CHCHD3: variants seen among roughly 807,000 people sequenced by gnomAD.
CHCHD3 encodes MICOS complex subunit MIC19.
Under a neutral mutation model 38.2 loss-of-function variants are expected in CHCHD3, and 20 were observed. The ratio of observed to expected loss-of-function variants is 0.52; its 90% CI spans 0.37 to 0.76. The LOEUF (loss-of-function observed/expected upper bound fraction) is 0.76. CHCHD3 is among the 30% of genes least tolerant of loss of function. CHCHD3 has a pLI of 0.00. For missense variants in CHCHD3, 245 were observed against 279.2 expected, an observed-to-expected ratio of 0.88 and a Z score of 0.87; for synonymous variants, 82 against 100.0, an observed-to-expected ratio of 0.82 and a Z score of 1.07.
intron 4 of CHCHD3, among the ~76,000 whole-genome samples, chr7:132,914,701 C>G (rs1810056574): frequency 6.6e-6 from 1 of 152,124 alleles, no homozygotes; most frequent in East Asian, 1.9e-4. Flanking sequence ...ACCCAACGTG[C>G]CTTACATGAC....
intron 4 of CHCHD3, among the ~76,000 whole-genome samples, chr7:132,901,347 G>A (rs1735954617): frequency 6.6e-6 from 1 of 152,234 alleles, no homozygotes; most frequent in Non-Finnish European, 1.5e-5. Flanking sequence ...CGAGTCATCT[G>A]AATAGAAAGC....
intron 2 of CHCHD3, 144 bp from the exon 3 acceptor site, chr7:133,024,771 A>G (rs1442896207): frequency 7.7e-6 from 5 of 646,900 alleles, no homozygotes; most frequent in African/African-American, 5.5e-5. Flanking sequence ...GGAACTTCTC[A>G]AGCACTGTGG....
chr7:132,993,751 G>C (rs1399824108), intron 3 of CHCHD3, among the ~76,000 whole-genome samples: 1 of 152,160 alleles, frequency 6.6e-6, no homozygotes, highest in Non-Finnish European at 1.5e-5. Context: ...CCAGTTGACA[G>C]GGACATGAAA....
At chr7:133,004,334 GT>G (rs1261392565) in intron 3 of CHCHD3, among the ~76,000 whole-genome samples, 1 of 152,172 alleles carries the variant, frequency 6.6e-6, no homozygotes, top group Non-Finnish European at 1.5e-5. Context: ...AGATCCATCA[GT>G]TTTTCCATAT....
At chr7:132,834,772 T>C (rs1446241359) in intron 6 of CHCHD3, among the ~76,000 whole-genome samples, 1 of 152,056 alleles carries the variant, frequency 6.6e-6, no homozygotes, top group Non-Finnish European at 1.5e-5. Flanking sequence ...ACAGTGCCCA[T>C]GGAGTCCTGT....
chr7:132,825,200 G>C (rs977110423), intron 6 of CHCHD3, among the ~76,000 whole-genome samples: 3 of 152,070 alleles, frequency 2.0e-5, no homozygotes, highest in African/African-American at 7.3e-5. Flanking sequence ...TTAATACTGA[G>C]GATGGTAAGT....
intron 4 of CHCHD3, among the ~76,000 whole-genome samples, chr7:132,956,242 A>G (rs1348297446): frequency 6.6e-6 from 1 of 152,238 alleles, no homozygotes; most frequent in Non-Finnish European, 1.5e-5. Context: ...ACATAAGCCA[A>G]TTTCTTAAAA....
chr7:132,962,764 C>T (rs946526602), intron 4 of CHCHD3, among the ~76,000 whole-genome samples: 4 of 151,848 alleles, frequency 2.6e-5, no homozygotes, highest in Non-Finnish European at 5.9e-5. Context: ...TCTTTTTTGC[C>T]CATTCCACTT....
intron 2 of CHCHD3, among the ~76,000 whole-genome samples, chr7:133,062,708 T>A (rs1279313906): frequency 6.6e-6 from 1 of 152,190 alleles, no homozygotes; most frequent in Non-Finnish European, 1.5e-5. Flanking sequence ...TCCTGAGTAC[T>A]GTGACTCCAC....
intron 2 of CHCHD3, among the ~76,000 whole-genome samples, chr7:133,046,273 C>A (rs555732180): frequency 1.3e-5 from 2 of 152,160 alleles, no homozygotes; most frequent in African/African-American, 4.8e-5. Flanking sequence ...TTTATTCTCA[C>A]TAACTTCTAA....
chr7:132,832,968 G>A (rs1218505605), intron 6 of CHCHD3, among the ~76,000 whole-genome samples: 1 of 152,140 alleles, frequency 6.6e-6, no homozygotes, highest in African/African-American at 2.4e-5. Flanking sequence ...GCAGCATCTA[G>A]AATTTGTTTA....
At chr7:132,888,244 G>A (rs1165158357) in intron 4 of CHCHD3, among the ~76,000 whole-genome samples, 5 of 151,696 alleles carry the variant, frequency 3.3e-5, no homozygotes, top group South Asian at 4.2e-4. Context: ...ACTTATGGGC[G>A]GTATCTATTT....
intron 7 of CHCHD3, among the ~76,000 whole-genome samples, chr7:132,795,868 G>T (rs1407603673): frequency 6.6e-6 from 1 of 152,178 alleles, no homozygotes; most frequent in Non-Finnish European, 1.5e-5. Context: ...ACATCATATT[G>T]TTCTGATATG....
chr7:132,879,111 A>T (rs1369023664), intron 5 of CHCHD3, among the ~76,000 whole-genome samples: 1 of 152,230 alleles, frequency 6.6e-6, no homozygotes, highest in Non-Finnish European at 1.5e-5. Flanking sequence ...ACAAGGAGGC[A>T]TCTATTTGAT....
intron 4 of CHCHD3, among the ~76,000 whole-genome samples, chr7:132,933,491 C>T (rs1810564988): frequency 1.3e-5 from 2 of 152,180 alleles, no homozygotes; most frequent in African/African-American, 4.8e-5. Flanking sequence ...ATCTCAGCTG[C>T]CCTTTGGAAT....
intron 4 of CHCHD3, among the ~76,000 whole-genome samples, chr7:132,897,608 C>T (rs1809533930): frequency 6.6e-6 from 1 of 152,188 alleles, no homozygotes; most frequent in South Asian, 2.1e-4. Flanking sequence ...TCCCATTGCT[C>T]TGACTTTATT....
rs200561468 is a variant in CHCHD3 at position 132,914,123 on chromosome 7, C to CGTGTGTGTGT, written c.370-28388_370-28379dup. Among the ~76,000 whole-genome samples the CGTGTGTGTGT allele has an allele frequency of 5.8e-3, 766 of 132,266 alleles. 8 individuals are homozygous for CGTGTGTGTGT. Among genetic ancestry groups the CGTGTGTGTGT allele is most frequent in the African/African-American group, 0.017 (580 of 34,736 alleles). The allele number at this position is 132,266 out of a possible 152,430, so 86.8% of individuals were successfully genotyped here. On this transcript the variant is annotated intron_variant, in intron 4 of 7. Coordinates refer to ENST00000262570, the MANE Select transcript of CHCHD3 (RefSeq NM_017812.4). Reference sequence around the variant, plus strand: ...TACAGATGCCCACCACCATGCCTGGCGTGTGTGTGTGTGTGTGTGTGTGTG... The same window carrying CGTGTGTGTGT: ...TACAGATGCCCACCACCATGCCTGGCGTGTGTGTGTGTGTGTGTGTGTGTGTGTGTGTGTG...
At position 132,889,712 on chromosome 7, in the gene CHCHD3, C is replaced by T. The variant is rs190627922; in HGVS notation, c.370-3967G>A. 5.9e-5 allele frequency among the ~76,000 whole-genome samples: 9 copies of T among 152,282 alleles called. No individual in the cohort carries two copies. The East Asian group carries it at 1.7e-3, about 29-fold the overall frequency. On this transcript the variant is annotated intron_variant, in intron 4 of 7. Coordinates refer to ENST00000262570, the MANE Select transcript of CHCHD3 (RefSeq NM_017812.4). ...AAACATGGCCACAACACTTTAATAG[C>T]ACATTGCTTTGAAACAGTTAATATG...
chr7:132,995,274 G>A (rs1812384407), intron 3 of CHCHD3, among the ~76,000 whole-genome samples: 1 of 152,022 alleles, frequency 6.6e-6, no homozygotes, highest in African/African-American at 2.4e-5. Context: ...CATACTTAAT[G>A]TACACATCTT....
Sources: allele counts gnomAD v4.1 joint callset (sites outside exome capture counted in the v4.1 genomes callset), GRCh38; gene constraint gnomAD v4.1.1; transcripts MANE v1.5; gene names NCBI Gene and HGNC (gene_info 2026-07-23, HGNC 2026-07-21).